Variants in EIF2AK1 observed in about 807,000 individuals in gnomAD.
EIF2AK1 encodes eukaryotic translation initiation factor 2 alpha kinase 1.
Under a neutral mutation model 77.9 loss-of-function variants are expected in EIF2AK1, and 54 were observed. The ratio of observed to expected loss-of-function variants is 0.69; its 90% confidence interval spans 0.56 to 0.87. The LOEUF is 0.87. EIF2AK1 is among the 40% of genes least tolerant of loss of function. The pLI, the probability that EIF2AK1 is intolerant of heterozygous loss-of-function variation, is 0.00. For synonymous variants in EIF2AK1, 314 were observed against 290.5 expected, an observed-to-expected ratio of 1.08 and a Z score of -0.82; for missense variants, 810 against 768.6, an observed-to-expected ratio of 1.05 and a Z score of -0.64.
At position 6,035,862 on chromosome 7, in the gene EIF2AK1, A is replaced by T. The variant is rs200792722; in HGVS notation, c.1332+1562T>A. ...CACGCCCCTGAAGCTTGCAGTGTGC[A>T]CTGCATCAAGCAAAGCAGGCCGACT... On this transcript the variant is annotated intron_variant, in intron 11 of 14. Coordinates refer to ENST00000199389, the MANE Select transcript of EIF2AK1 (RefSeq NM_014413.4). This position sits in a 1 kb window ranked among gnomAD's most constrained non-coding sequence, Gnocchi z 5.5. 35 of 1,548,078 alleles carry T rather than the reference A, an allele frequency of 2.3e-5. No individual in the cohort carries two copies. The highest frequency in any genetic ancestry group is 3.1e-5 in the Non-Finnish European group (35 of 1,145,238).
Position 6,046,062 on chromosome 7 carries a change from A to C in EIF2AK1, c.630+9T>G. ...ATTATTCAAAATAAGTAATTTTTAAAAATCATACCTTCATGCAAACTGTTT... is the reference window on the plus strand; with the variant it reads ...ATTATTCAAAATAAGTAATTTTTAACAATCATACCTTCATGCAAACTGTTT... On this transcript the variant is annotated intron_variant, in intron 6 of 14. Transcript: ENST00000199389. The C allele has an allele frequency of 6.6e-7, 1 of 1,504,610 alleles. No homozygotes were observed. The highest frequency in any genetic ancestry group is 9.0e-7 in the Non-Finnish European group (1 of 1,106,284). The allele number at this position is 1,504,610 out of a possible 1,614,324, so 93.2% of individuals were successfully genotyped here. A position where few individuals can be genotyped will look rare whatever the true frequency, so the allele number is the denominator to read the frequency against.
chr7:6,044,084 G>C (rs185042587), intron 7 of EIF2AK1, among the ~76,000 whole-genome samples: 1 of 151,808 alleles, frequency 6.6e-6, no homozygotes, highest in Non-Finnish European at 1.5e-5. Context: ...GGGTGACAGA[G>C]CGAGACTCTG....
At chr7:6,054,474 G>A (rs1788694988) in intron 2 of EIF2AK1, 72 bp downstream of exon 2, 1 of 1,560,238 alleles carries the variant, frequency 6.4e-7, no homozygotes, top group Non-Finnish European at 8.8e-7. Context: ...AAAGTGCTGG[G>A]ATTACAGGCA....
At chr7:6,031,623 A>G in intron 11 of EIF2AK1, 1 of 1,546,314 alleles carries the variant, frequency 6.5e-7, no homozygotes, top group South Asian at 1.2e-5. Flanking sequence ...CACTTCTGGA[A>G]AAAAGTCAGG....
chr7:6,027,043 A>C lies in EIF2AK1; in HGVS notation c.1531-82T>G. On this transcript the variant is annotated intron_variant, in intron 13 of 14. Coordinates refer to ENST00000199389, the MANE Select transcript of EIF2AK1 (RefSeq NM_014413.4). This position sits in a 1 kb window ranked among gnomAD's most constrained non-coding sequence, Gnocchi z 4.5. Reference sequence around the variant, plus strand: ...TCCATTTCCGTGTTCCACCCTCCAAACAGGAGAGGGTTTCTAAGAATGAGG... The same window carrying C: ...TCCATTTCCGTGTTCCACCCTCCAACCAGGAGAGGGTTTCTAAGAATGAGG... 2.7e-6 allele frequency: 3 copies of C among 1,130,726 alleles called. No homozygotes were observed. The highest frequency in any genetic ancestry group is 4.0e-6 in the Non-Finnish European group (3 of 758,106). The allele number at this position is 1,130,726 out of a possible 1,614,324, so 70.0% of individuals were successfully genotyped here.
Position 6,035,399 on chromosome 7 carries a change from T to A in EIF2AK1, c.1332+2025A>T, listed in dbSNP as rs778345050. The A allele has an allele frequency of 6.6e-7, 1 of 1,508,336 alleles. No individual in the cohort carries two copies. Among genetic ancestry groups the A allele is most frequent in the African/African-American group, 1.4e-5 (1 of 72,228 alleles). 93.4% of individuals were successfully genotyped at this position (1,508,336 alleles called of 1,614,324 possible). On this transcript the variant is annotated intron_variant, in intron 11 of 14. Transcript: ENST00000199389. This position sits in a 1 kb window ranked among gnomAD's most constrained non-coding sequence, Gnocchi z 5.5. ...GCATTAACTGTCCACGTAGAGCCGT[T>A]CCCACTGTGAATTCAGTGTAACGTG...
At chr7:6,039,654 G>A (rs1041901884) in intron 9 of EIF2AK1, among the ~76,000 whole-genome samples, 1 of 146,422 alleles carries the variant, frequency 6.8e-6, no homozygotes, top group Non-Finnish European at 1.5e-5. Context: ...CACAGGCTTG[G>A]TAGGATGCAG....
chr7:6,032,700 C>A lies in EIF2AK1; in HGVS notation c.1333-3668G>T. The A allele has an allele frequency of 1.7e-6, 1 of 582,980 alleles. No individual in the cohort carries two copies. Among genetic ancestry groups the A allele is most frequent in the Non-Finnish European group, 2.9e-6 (1 of 345,180 alleles). 36.1% of individuals were successfully genotyped at this position (582,980 alleles called of 1,614,324 possible). ...TTTAAAACAGGTAGTAGAAAGGAAA[C>A]TTTCAATGCACATACCAGAAAAAGA... is the stretch of plus-strand genomic sequence containing the variant. On this transcript the variant is annotated intron_variant, in intron 11 of 14. Coordinates refer to ENST00000199389, the MANE Select transcript of EIF2AK1 (RefSeq NM_014413.4). This position sits in a 1 kb window ranked among gnomAD's most constrained non-coding sequence, Gnocchi z 4.3.
At chr7:6,026,171 C>T (rs529249628) in intron 14 of EIF2AK1, among the ~76,000 whole-genome samples, 2 of 152,050 alleles carry the variant, frequency 1.3e-5, no homozygotes, top group Non-Finnish European at 2.9e-5. Context: ...TCATGTACAA[C>T]TGGAAATTCC....
In EIF2AK1 at chr7:6,036,194, G is replaced by A. The variant is rs2128887844; in HGVS notation, c.1332+1230C>T. On this transcript the variant is annotated intron_variant, in intron 11 of 14. Transcript: ENST00000199389. The surrounding 1 kb of genome is among the most constrained non-coding windows in gnomAD (Gnocchi z 4.6). ...AAGGAATTCTACCTGCAGGAATCAT[G>A]CTACCAGAATTCCGCCTCTTAAGGG... 6.5e-7 allele frequency: 1 copy of A among 1,549,704 alleles called. No individual in the cohort carries two copies. The highest frequency in any genetic ancestry group is 8.7e-7 in the Non-Finnish European group (1 of 1,146,542).
At chr7:6,039,756 G>A (rs1788241848) in intron 9 of EIF2AK1, among the ~76,000 whole-genome samples, 1 of 151,374 alleles carries the variant, frequency 6.6e-6, no homozygotes, top group Non-Finnish European at 1.5e-5. Flanking sequence ...CCAACATGGT[G>A]AAGCCCTGTC....
Position 6,027,529 on chromosome 7 carries a change from A to G in EIF2AK1, c.1531-568T>C, listed in dbSNP as rs1159537919. Among the ~76,000 whole-genome samples, 1 of 152,196 alleles carries G rather than the reference A, an allele frequency of 6.6e-6. No homozygotes were observed. ...AAAAGCTCAATGCGCCATCAAAAGG[A>G]AGAAAATTTTACTAGCCTGTTGTTT... On this transcript the variant is annotated intron_variant, in intron 13 of 14. Transcript: ENST00000199389. The surrounding 1 kb of genome is among the most constrained non-coding windows in gnomAD (Gnocchi z 4.5).
At position 6,041,120 on chromosome 7, in the gene EIF2AK1, A is replaced by T; in HGVS notation, c.891T>A (p.Thr297=). 1.2e-6 allele frequency: 2 copies of T among 1,614,076 alleles called. No individual in the cohort carries two copies. The highest frequency in any genetic ancestry group is 1.7e-6 in the Non-Finnish European group (2 of 1,180,014). The change falls in exon 9 of 15, where the codon ACT becomes ACA. Residue 297 remains threonine, a synonymous_variant. Transcript: ENST00000199389. ...TCACCGACTTGTTATTCTGATTTTC[A>T]GTGTCAGATTCTCCAAAGCGTTTTT... The part of the protein sequence containing the change: ...EKEKRFGESD[T]ENQNNKSVKY...
chr7:6,056,613 A>AAAAAAATATATATATATAT, intron 1 of EIF2AK1, among the ~76,000 whole-genome samples: 1 of 43,728 alleles, frequency 2.3e-5, no homozygotes, highest in African/African-American at 8.2e-5. Flanking sequence ...AAAAAAAAAA[A>AAAAAAATATATATATATAT]ATATATATAT....
At chr7:6,047,859 G>A (rs1013221181) in intron 4 of EIF2AK1, 6 of 152,260 alleles carry the variant, frequency 3.9e-5, no homozygotes, top group African/African-American at 1.4e-4. Flanking sequence ...AGGCAACCTG[G>A]TGGTCCCTTG....
intron 10 of EIF2AK1, 106 bp downstream of exon 10, chr7:6,038,454 A>G (rs1361103390): frequency 4.2e-6 from 3 of 721,074 alleles, no homozygotes; most frequent in Non-Finnish European, 6.7e-6. Flanking sequence ...AATAAAATAA[A>G]TAAAAAATAA....
intron 11 of EIF2AK1, among the ~76,000 whole-genome samples, chr7:6,037,140 A>C (rs1207885794): frequency 6.6e-6 from 1 of 151,966 alleles, no homozygotes; most frequent in Non-Finnish European, 1.5e-5. Context: ...CTGAGGTGGG[A>C]GGATCGCTTG....
At position 6,036,180 on chromosome 7, in the gene EIF2AK1, C is replaced by A; in HGVS notation, c.1332+1244G>T. ...AATGACCAATAACCAAGGAATTCTA[C>A]CTGCAGGAATCATGCTACCAGAATT... On this transcript the variant is annotated intron_variant, in intron 11 of 14. Transcript: ENST00000199389. The surrounding 1 kb of genome is among the most constrained non-coding windows in gnomAD (Gnocchi z 4.6). 6.5e-7 allele frequency: 1 copy of A among 1,549,674 alleles called. No individual in the cohort carries two copies. The highest frequency in any genetic ancestry group is 8.7e-7 in the Non-Finnish European group (1 of 1,146,484).
chr7:6,023,971 T>G lies in EIF2AK1; in HGVS notation c.*702A>C. 1 of 1,384,506 alleles carries G rather than the reference T, an allele frequency of 7.2e-7. No homozygotes were observed. Among genetic ancestry groups the G allele is most frequent in the Non-Finnish European group, 9.5e-7 (1 of 1,051,884 alleles). 85.8% of individuals were successfully genotyped at this position (1,384,506 alleles called of 1,614,324 possible). On this transcript the variant is annotated 3_prime_UTR_variant, in exon 15 of 15. Transcript: ENST00000199389. ...GCCTCTGAGGGATGTACAGATTGGC[T>G]GGGGAGCTGAGTGCTACAATAAAGG... is the stretch of plus-strand genomic sequence containing the variant.
Sources: allele counts gnomAD v4.1 joint callset (sites outside exome capture counted in the v4.1 genomes callset), GRCh38; gene constraint gnomAD v4.1.1; non-coding constraint Gnocchi (gnomAD v3.1); transcripts MANE v1.5; gene names NCBI Gene and HGNC (gene_info 2026-07-23, HGNC 2026-07-21).